RABGAP1L: variants seen among roughly 807,000 people sequenced by gnomAD.
RABGAP1L encodes the protein rab GTPase-activating protein 1-like.
RABGAP1L carries 63 observed loss-of-function variants against 137.7 expected under a neutral mutation model. That is an observed-to-expected ratio of 0.46 (90% CI 0.37 to 0.56). The LOEUF (loss-of-function observed/expected upper bound fraction) is 0.56, where lower values mean the gene tolerates loss of function less well. Among genes scored for constraint, RABGAP1L ranks in the 20% least tolerant of loss-of-function variants. The pLI is 0.00. For synonymous variants in RABGAP1L, 431 were observed against 433.7 expected (o/e 0.99, Z 0.08); for missense variants, 1,095 against 1,244.0 (o/e 0.88, Z 1.80).
chr1:174,171,030 T>C (rs1665339123), intron 1 of RABGAP1L, among the ~76,000 whole-genome samples: 1 of 152,188 alleles, frequency 6.6e-6, no homozygotes, highest in South Asian at 2.1e-4. Flanking sequence ...GTTCAAGGGA[T>C]CTGTGAGTGA....
chr1:174,531,254 G>A (rs1664377472), intron 13 of RABGAP1L, among the ~76,000 whole-genome samples: 1 of 152,090 alleles, frequency 6.6e-6, no homozygotes, highest in Non-Finnish European at 1.5e-5. Context: ...ATCAGAGATG[G>A]TATAATACAG....
intron 19 of RABGAP1L, among the ~76,000 whole-genome samples, chr1:174,853,649 T>C (rs1648765625): frequency 6.6e-6 from 1 of 152,122 alleles, no homozygotes; most frequent in Non-Finnish European, 1.5e-5. Flanking sequence ...GAGAATTGCT[T>C]GAACCTGGGA....
chr1:174,529,001 T>C (rs1664162223), intron 13 of RABGAP1L, among the ~76,000 whole-genome samples: 2 of 151,628 alleles, frequency 1.3e-5, no homozygotes, highest in African/African-American at 4.8e-5. Context: ...TTCTTTTTTT[T>C]TTTAATGATA....
At chr1:174,619,334 T>A (rs1572546765) in intron 13 of RABGAP1L, among the ~76,000 whole-genome samples, 1 of 152,032 alleles carries the variant, frequency 6.6e-6, no homozygotes, top group African/African-American at 2.4e-5. Context: ...AGACACATAA[T>A]TGTCAGATTC....
chr1:174,907,127 C>T (rs184071861), intron 19 of RABGAP1L, among the ~76,000 whole-genome samples: 27 of 151,896 alleles, frequency 1.8e-4, no homozygotes, highest in African/African-American at 4.3e-4. Context: ...ATTAAGTATA[C>T]GGATAAACCC....
At chr1:174,238,153 A>T (rs1671386555) in intron 4 of RABGAP1L, among the ~76,000 whole-genome samples, 1 of 151,880 alleles carries the variant, frequency 6.6e-6, no homozygotes, top group Non-Finnish European at 1.5e-5. Context: ...TGTATTGGTT[A>T]TTCTAGTTAT....
chr1:174,507,469 TATCAATTTTTTATTATATGC>T (rs1661933233), intron 13 of RABGAP1L, among the ~76,000 whole-genome samples: 1 of 152,186 alleles, frequency 6.6e-6, no homozygotes, highest in African/African-American at 2.4e-5. Context: ...TTCCCTATAG[TATCAATTTTTTATTATATGC>T]TTTTTGATAT....
chr1:174,613,340 G>T (rs923872033), intron 13 of RABGAP1L, among the ~76,000 whole-genome samples: 31 of 152,144 alleles, frequency 2.0e-4, no homozygotes, highest in African/African-American at 3.4e-4. Flanking sequence ...GGAGCAGGTT[G>T]TTCAGTTTCC....
At chr1:174,817,033 C>CTT (rs1339400005) in intron 19 of RABGAP1L, among the ~76,000 whole-genome samples, 1 of 151,134 alleles carries the variant, frequency 6.6e-6, no homozygotes, top group Non-Finnish European at 1.5e-5. Context: ...TCGGTCAGTC[C>CTT]TTTTTTTTTG....
chr1:174,616,185 C>T (rs927466487), intron 13 of RABGAP1L, among the ~76,000 whole-genome samples: 5 of 152,226 alleles, frequency 3.3e-5, no homozygotes, highest in South Asian at 2.1e-4. Flanking sequence ...ATGCTAGGAG[C>T]TGTAGACAGA....
chr1:174,940,008 A>G (rs1322727197), intron 19 of RABGAP1L, among the ~76,000 whole-genome samples: 1 of 152,250 alleles, frequency 6.6e-6, no homozygotes, highest in African/African-American at 2.4e-5. Flanking sequence ...GTAGATACCA[A>G]CTGTAAGTAA....
chr1:174,333,615 G>A (rs1432012104), intron 11 of RABGAP1L, among the ~76,000 whole-genome samples: 1 of 152,130 alleles, frequency 6.6e-6, no homozygotes, highest in Non-Finnish European at 1.5e-5. Context: ...AACAGATTGA[G>A]AAGCAATTAT....
intron 11 of RABGAP1L, among the ~76,000 whole-genome samples, chr1:174,311,640 C>T (rs1371372923): frequency 1.3e-5 from 2 of 152,120 alleles, no homozygotes; most frequent in Non-Finnish European, 2.9e-5. Flanking sequence ...GAGTTTCACT[C>T]TTGTTGCCCA....
chr1:174,706,664 AC>A (rs1291683468), intron 17 of RABGAP1L, among the ~76,000 whole-genome samples: 3 of 152,170 alleles, frequency 2.0e-5, no homozygotes, highest in African/African-American at 7.2e-5. Context: ...AGTAACCAGC[AC>A]CCAGATTTAA....
At chr1:174,458,420 G>C (rs1656288432) in intron 13 of RABGAP1L, among the ~76,000 whole-genome samples, 1 of 151,950 alleles carries the variant, frequency 6.6e-6, no homozygotes. Flanking sequence ...ACTCACAGTA[G>C]AATGTTGTGC....
chr1:174,621,393 C>G (rs1672452293), intron 13 of RABGAP1L, among the ~76,000 whole-genome samples: 1 of 152,194 alleles, frequency 6.6e-6, no homozygotes, highest in Non-Finnish European at 1.5e-5. Context: ...CCTGCACTGC[C>G]AATTCAATCC....
At chr1:174,375,807 G>A (rs562328881) in intron 12 of RABGAP1L, among the ~76,000 whole-genome samples, 1 of 152,266 alleles carries the variant, frequency 6.6e-6, no homozygotes, top group East Asian at 1.9e-4. Flanking sequence ...GCTCATGCCT[G>A]TAATCCCAGC....
chr1:174,912,910 A>G (rs1660276465), intron 19 of RABGAP1L, among the ~76,000 whole-genome samples: 2 of 151,950 alleles, frequency 1.3e-5, no homozygotes, highest in African/African-American at 4.8e-5. Context: ...CATATATGGC[A>G]CAGACAGTAC....
At chr1:174,887,855 C>T (rs1655425288) in intron 19 of RABGAP1L, among the ~76,000 whole-genome samples, 1 of 151,932 alleles carries the variant, frequency 6.6e-6, no homozygotes, top group African/African-American at 2.4e-5. Flanking sequence ...GCCAACATAG[C>T]AAAACCCAAT....
Sources: allele counts gnomAD v4.1 joint callset (sites outside exome capture counted in the v4.1 genomes callset), GRCh38; gene constraint gnomAD v4.1.1; transcripts MANE v1.5; gene names NCBI Gene and HGNC (gene_info 2026-07-23, HGNC 2026-07-21).